Variants in CPED1 observed in about 807,000 individuals in gnomAD.
The protein encoded by CPED1 is cadherin-like and PC-esterase domain-containing protein 1.
CPED1 carries 114 observed loss-of-function variants against 128.2 expected under a neutral mutation model. The observed-to-expected ratio is 0.89, with a 90% confidence interval of 0.76 to 1.04. CPED1 has a LOEUF of 1.04. CPED1 is among the 50% of genes least tolerant of loss of function. The probability of loss-of-function intolerance (pLI) is 0.00; values close to 1 mark genes in which losing one functional copy is unlikely to be tolerated. For synonymous variants in CPED1, 462 were observed against 426.7 expected (o/e 1.08, Z -1.02); for missense variants, 1,211 against 1,207.1 (o/e 1.00, Z -0.05).
chr7:121,193,103 T>G (rs1797183247), intron 16 of CPED1, among the ~76,000 whole-genome samples: 1 of 152,184 alleles, frequency 6.6e-6, no homozygotes, highest in South Asian at 2.1e-4. Context: ...TATCATGTAA[T>G]AAGTTGACAA....
chr7:121,138,625 T>G (rs1042335684), intron 14 of CPED1, among the ~76,000 whole-genome samples: 11 of 152,080 alleles, frequency 7.2e-5, no homozygotes, highest in African/African-American at 2.7e-4. Context: ...AAACCGTGAC[T>G]ATTAAGTGAA....
chr7:121,088,658 C>A (rs1434680808), intron 5 of CPED1, among the ~76,000 whole-genome samples: 5 of 136,508 alleles, frequency 3.7e-5, no homozygotes, highest in African/African-American at 8.3e-5. Flanking sequence ...GACTGCTTCT[C>A]AAAAAAAAAA....
chr7:121,023,122 T>G (rs1792485655), intron 3 of CPED1, among the ~76,000 whole-genome samples: 1 of 152,114 alleles, frequency 6.6e-6, no homozygotes. Flanking sequence ...TATTTTATCA[T>G]TTTGTCAGAA....
intron 18 of CPED1, 37 bp from the exon 19 acceptor site, chr7:121,266,190 T>A: frequency 6.7e-7 from 1 of 1,492,686 alleles, no homozygotes; most frequent in Non-Finnish European, 9.3e-7. Context: ...CATGTAAACA[T>A]AAGCTTTTAA....
rs539987404 is a variant in CPED1, at chr7:121,244,391, T to C, written c.2310+53T>C. ...CTTTAATGTATGCCACCTGAAGTAC[T>C]AAAAATCGTATAGTTGTATCTACTA... On this transcript the variant is annotated intron_variant, in intron 18 of 22. Coordinates refer to ENST00000310396, the MANE Select transcript of CPED1 (RefSeq NM_024913.5). 1.1e-5 allele frequency: 17 copies of C among 1,595,632 alleles called. No individual in the cohort carries two copies. In the South Asian group the frequency reaches 1.8e-4, roughly 17 times the overall value.
chr7:121,295,513 G>T lies in CPED1; in HGVS notation c.2942G>T (p.Arg981Ile). The T allele has an allele frequency of 6.2e-7, 1 of 1,614,018 alleles. No homozygotes were observed. Among genetic ancestry groups the T allele is most frequent in the East Asian group, 2.2e-5 (1 of 44,858 alleles). ...MKRSRNHIMG[R>I]YFSNQSKLQQ... Reference sequence around the variant, plus strand: ...AGATCAAGAAATCATATCATGGGAAGATATTTCAGCAATCAAAGCAAACTA... The same window carrying T: ...AGATCAAGAAATCATATCATGGGAATATATTTCAGCAATCAAAGCAAACTA... Residue 981 changes from arginine (R) to isoleucine (I), a missense_variant, in exon 23 of 23, where the codon AGA becomes ATA. Coordinates refer to ENST00000310396, the MANE Select transcript of CPED1 (RefSeq NM_024913.5).
chr7:121,094,448 G>T (rs1479665966), intron 5 of CPED1, among the ~76,000 whole-genome samples: 1 of 152,160 alleles, frequency 6.6e-6, no homozygotes, highest in Non-Finnish European at 1.5e-5. Flanking sequence ...AGAAGGGAAA[G>T]AAGTAATCGA....
At chr7:121,160,136 T>A (rs961394027) in intron 16 of CPED1, among the ~76,000 whole-genome samples, 2 of 151,982 alleles carry the variant, frequency 1.3e-5, no homozygotes, top group Non-Finnish European at 2.9e-5. Flanking sequence ...TAATTTTAAA[T>A]GTTTATGGAT....
chr7:121,194,044 A>ATTTTTTTT (rs1198290127), intron 16 of CPED1, among the ~76,000 whole-genome samples: 2 of 66,430 alleles, frequency 3.0e-5, no homozygotes, highest in African/African-American at 1.1e-4. Context: ...ATATATATAT[A>ATTTTTTTT]TATATTTTTT....
chr7:121,115,716 G>A (rs914803091), intron 7 of CPED1, among the ~76,000 whole-genome samples: 1 of 152,084 alleles, frequency 6.6e-6, no homozygotes, highest in African/African-American at 2.4e-5. Context: ...TCTAGTCAAG[G>A]TAATTAATAA....
At chr7:121,043,806 C>T (rs1455496227) in intron 3 of CPED1, among the ~76,000 whole-genome samples, 1 of 152,210 alleles carries the variant, frequency 6.6e-6, no homozygotes, top group Non-Finnish European at 1.5e-5. Flanking sequence ...GTGAATTGTG[C>T]TGACATTTGC....
intron 16 of CPED1, among the ~76,000 whole-genome samples, chr7:121,194,461 AT>A (rs780275184): frequency 4.6e-5 from 7 of 152,006 alleles, no homozygotes; most frequent in African/African-American, 1.7e-4. Context: ...TTATTTTACC[AT>A]TTTTTTCAGG....
intron 16 of CPED1, among the ~76,000 whole-genome samples, chr7:121,208,198 A>G (rs1050771418): frequency 2.0e-5 from 3 of 152,034 alleles, no homozygotes; most frequent in Non-Finnish European, 4.4e-5. Flanking sequence ...TGTAATGTAC[A>G]GCTTAATTTT....
intron 5 of CPED1, among the ~76,000 whole-genome samples, chr7:121,066,761 G>A (rs573509004): frequency 1.3e-5 from 2 of 152,188 alleles, no homozygotes; most frequent in South Asian, 2.1e-4. Flanking sequence ...GTTCACTGAA[G>A]GCTGTTGGCC....
At chr7:121,117,655 T>A (rs1217636654) in intron 7 of CPED1, among the ~76,000 whole-genome samples, 1 of 152,116 alleles carries the variant, frequency 6.6e-6, no homozygotes, top group East Asian at 1.9e-4. Context: ...CAGAGCTGGG[T>A]GTCATATGCC....
At chr7:121,036,831 T>C (rs1344394397) in intron 3 of CPED1, among the ~76,000 whole-genome samples, 1 of 152,194 alleles carries the variant, frequency 6.6e-6, no homozygotes, top group African/African-American at 2.4e-5. Flanking sequence ...TTATGGCCAT[T>C]CTTGCAGGAG....
At chr7:121,111,782 T>G (rs534594373) in intron 7 of CPED1, among the ~76,000 whole-genome samples, 3 of 152,186 alleles carry the variant, frequency 2.0e-5, no homozygotes, top group African/African-American at 7.2e-5. Flanking sequence ...AGATGCGGGC[T>G]CCATTTCAAA....
At chr7:121,240,765 TAAA>T (rs71170235) in intron 17 of CPED1, among the ~76,000 whole-genome samples, 1 of 93,788 alleles carries the variant, frequency 1.1e-5, no homozygotes, top group Non-Finnish European at 2.0e-5. Context: ...CCTCTTCTGT[TAAA>T]AAAAAAAAAA....
At chr7:121,247,810 G>C (rs762420374) in intron 18 of CPED1, among the ~76,000 whole-genome samples, 10 of 152,116 alleles carry the variant, frequency 6.6e-5, no homozygotes, top group Non-Finnish European at 1.0e-4. Context: ...TCTGGCTATA[G>C]GCACCCATCC....
Sources: gnomAD v4.1 joint callset for allele counts (sites outside exome capture counted in the v4.1 genomes callset) on GRCh38, gnomAD v4.1.1 for gene constraint, MANE v1.5 for transcripts, NCBI Gene and HGNC (gene_info 2026-07-23, HGNC 2026-07-21) for gene names.